The following RABGEF1 variants were observed in gnomAD, a reference collection of about 807,000 sequenced individuals.
RABGEF1 encodes RAB guanine nucleotide exchange factor 1.
In RABGEF1, 26 loss-of-function variants were observed where a neutral mutation model predicts 57.3. The observed-to-expected ratio is 0.45, with a 90% CI of 0.33 to 0.63. RABGEF1 has a LOEUF of 0.63. Ranked by LOEUF, RABGEF1 falls within the 20% of genes least tolerant of loss-of-function variation. The pLI is 0.02. For synonymous variants in RABGEF1, 185 were observed against 210.7 expected, an observed-to-expected ratio of 0.88 and a Z score of 1.06; for missense variants, 464 against 607.6, an observed-to-expected ratio of 0.76 and a Z score of 2.48.
intron 7 of RABGEF1, among the ~76,000 whole-genome samples, chr7:66,801,295 G>A (rs533999947): frequency 2.6e-5 from 4 of 152,224 alleles, no homozygotes; most frequent in South Asian, 4.1e-4. Context: ...TATGAGTTCC[G>A]TGAGCTATTT....
rs190136574 is a variant in RABGEF1 at position 66,772,917 on chromosome 7, A to T, written c.179+839A>T. Among the ~76,000 whole-genome samples the T allele has an allele frequency of 7.1e-3, 1,070 of 151,120 alleles. 5 individuals carry two copies. The highest frequency in any genetic ancestry group is 0.024 in the Middle Eastern group (7 of 294). ...ACAGAGTGAGACTCTGTCTCAAAAA[A>T]AAATAAATAAATAAATAAATAAATG... On this transcript the variant is annotated intron_variant, in intron 2 of 8. Coordinates refer to ENST00000284957, the MANE Select transcript of RABGEF1 (RefSeq NM_014504.3).
chr7:66,721,863 GT>G (rs1796086208), intron 2 of RABGEF1, among the ~76,000 whole-genome samples: 1 of 152,106 alleles, frequency 6.6e-6, no homozygotes, highest in Non-Finnish European at 1.5e-5. Context: ...GAAACAGAAA[GT>G]TTTTGGCCAA....
intron 4 of RABGEF1, among the ~76,000 whole-genome samples, chr7:66,792,156 A>G (rs1281712728): frequency 6.6e-6 from 1 of 151,996 alleles, no homozygotes; most frequent in Non-Finnish European, 1.5e-5. Context: ...CCGTACAATG[A>G]TTAGAGAGTA....
At chr7:66,657,840 A>G in the RABGEF1 span, among the ~76,000 whole-genome samples, 1 of 152,142 alleles carries the variant, frequency 6.6e-6, no homozygotes, top group East Asian at 1.9e-4. Flanking sequence ...CAATAAAAAT[A>G]AAAAATAAAA....
In RABGEF1 at chr7:66,685,466, G is replaced by A. The variant is rs556942606; in HGVS notation, c.-873+3208G>A. Among the ~76,000 whole-genome samples the A allele has an allele frequency of 1.8e-4, 28 of 151,964 alleles. No homozygotes were observed. In the South Asian group the frequency reaches 5.6e-3, roughly 30 times the overall value. ...GGCTAGGAGTTGGAGACCAGCCTGG[G>A]CAACATAGCAAGACTGCATCTCTAC... On this transcript the variant is annotated intron_variant and NMD_transcript_variant, in intron 1 of 9. Coordinates refer to the RABGEF1 transcript ENST00000607882.
At chr7:66,734,575 C>T (rs187851694) in intron 2 of RABGEF1, among the ~76,000 whole-genome samples, 308 of 148,186 alleles carry the variant, frequency 2.1e-3, no homozygotes, top group Non-Finnish European at 3.4e-3. Context: ...AGATTACAGG[C>T]GTGAGCCACC....
At chr7:66,782,657 A>C (rs1810229848) in intron 3 of RABGEF1, among the ~76,000 whole-genome samples, 2 of 151,820 alleles carry the variant, frequency 1.3e-5, no homozygotes, top group East Asian at 3.9e-4. Flanking sequence ...CTTTCTGTAG[A>C]GAGAGCAGCT....
At chr7:66,701,003 C>T (rs1048622734) in intron 1 of RABGEF1, among the ~76,000 whole-genome samples, 9 of 152,238 alleles carry the variant, frequency 5.9e-5, no homozygotes, top group South Asian at 2.1e-4. Flanking sequence ...CCAAGGAAGC[C>T]GTCCTGGAGG....
intron 1 of RABGEF1, among the ~76,000 whole-genome samples, chr7:66,768,386 G>A (rs937810754): frequency 6.6e-6 from 1 of 152,134 alleles, no homozygotes; most frequent in Admixed American, 6.5e-5. Flanking sequence ...AAATTGGGTG[G>A]TTTGTTTTCT....
intron 4 of RABGEF1, among the ~76,000 whole-genome samples, chr7:66,784,540 T>C (rs1381551016): frequency 6.6e-6 from 1 of 152,206 alleles, no homozygotes; most frequent in Non-Finnish European, 1.5e-5. Flanking sequence ...TCTATAACCA[T>C]TAAACTCAGA....
intron 2 of RABGEF1, among the ~76,000 whole-genome samples, chr7:66,729,763 T>C (rs559467793): frequency 6.6e-6 from 1 of 152,242 alleles, no homozygotes; most frequent in Non-Finnish European, 1.5e-5. Context: ...GAGGTGACCC[T>C]AGATGATGGA....
chr7:66,734,856 CAT>C (rs1465945379), intron 2 of RABGEF1, among the ~76,000 whole-genome samples: 3 of 152,130 alleles, frequency 2.0e-5, no homozygotes, highest in East Asian at 1.9e-4. Flanking sequence ...CACTCCTGCA[CAT>C]GTCTGCAGTA....
At chr7:66,708,128 C>T (rs551965258) in intron 1 of RABGEF1, among the ~76,000 whole-genome samples, 172 of 152,196 alleles carry the variant, frequency 1.1e-3, no homozygotes, top group Non-Finnish European at 1.7e-3. Context: ...CTTGGTTCTT[C>T]CATTATAGCC....
chr7:66,730,296 C>T (rs1015449159), intron 2 of RABGEF1, among the ~76,000 whole-genome samples: 13 of 152,226 alleles, frequency 8.5e-5, no homozygotes, highest in African/African-American at 4.8e-5. Context: ...AAGTCACTCA[C>T]TGTTTCTGCT....
intron 1 of RABGEF1, among the ~76,000 whole-genome samples, chr7:66,750,733 C>G (rs1801214883): frequency 6.6e-6 from 1 of 152,190 alleles, no homozygotes; most frequent in South Asian, 2.1e-4. Flanking sequence ...GCCAGTTGGA[C>G]TACAGGTCCA....
chr7:66,751,389 C>A (rs1801392752), intron 1 of RABGEF1, among the ~76,000 whole-genome samples: 1 of 152,156 alleles, frequency 6.6e-6, no homozygotes, highest in South Asian at 2.1e-4. Context: ...CTGGTAAAAT[C>A]AAGTATAAAT....
At chr7:66,752,837 A>C (rs188904040) in intron 1 of RABGEF1, among the ~76,000 whole-genome samples, 4 of 152,228 alleles carry the variant, frequency 2.6e-5, no homozygotes, top group African/African-American at 7.2e-5. Context: ...TTGCTGTTTA[A>C]TTTTTTTACT....
chr7:66,717,418 TA>T (rs1374518525), intron 2 of RABGEF1, among the ~76,000 whole-genome samples: 1 of 152,212 alleles, frequency 6.6e-6, no homozygotes, highest in Non-Finnish European at 1.5e-5. Flanking sequence ...AGCTTATTTT[TA>T]AAATACTTAT....
the RABGEF1 span, among the ~76,000 whole-genome samples, chr7:66,671,342 G>GGGTTTTC: frequency 1.3e-5 from 2 of 152,038 alleles, no homozygotes; most frequent in Non-Finnish European, 2.9e-5. Flanking sequence ...ACCACACCTG[G>GGGTTTTC]CTATCCTACG....
Sources: gnomAD v4.1 joint callset for allele counts (sites outside exome capture counted in the v4.1 genomes callset) on GRCh38, gnomAD v4.1.1 for gene constraint, MANE v1.5 for transcripts, NCBI Gene and HGNC (gene_info 2026-07-23, HGNC 2026-07-21) for gene names.